Variants in CRK observed in about 807,000 individuals in gnomAD.
CRK encodes the protein CRK proto-oncogene, adaptor protein.
A neutral mutation model predicts 29.8 loss-of-function variants in CRK; 4 were observed. The ratio of observed to expected loss-of-function variants is 0.13; its 90% CI spans 0.07 to 0.31. CRK has a LOEUF of 0.31. Ranked by LOEUF, CRK falls within the 10% of genes least tolerant of loss-of-function variation. The probability of loss-of-function intolerance (pLI) is 1.00; values close to 1 mark genes in which losing one functional copy is unlikely to be tolerated. For synonymous variants in CRK, 153 were observed against 164.9 expected (o/e 0.93, Z 0.55); for missense variants, 274 against 396.5 (o/e 0.69, Z 2.62).
At chr17:1,439,056 C>T (rs1416663786) in intron 1 of CRK, among the ~76,000 whole-genome samples, 1 of 151,780 alleles carries the variant, frequency 6.6e-6, no homozygotes, top group Non-Finnish European at 1.5e-5. Context: ...CTGGTGAACT[C>T]CCGGGATTGT....
Position 1,423,164 on chromosome 17 carries a change from G to A in CRK, c.*349C>T, listed in dbSNP as rs1240932131. 7 of 455,244 alleles carry A rather than the reference G, an allele frequency of 1.5e-5. No individual in the cohort carries two copies. The highest frequency in any genetic ancestry group is 1.4e-4 in the African/African-American group (7 of 49,554). The allele number at this position is 455,244 out of a possible 1,614,324, so 28.2% of individuals were successfully genotyped here. A position where few individuals can be genotyped will look rare whatever the true frequency, so the allele number is the denominator to read the frequency against. On this transcript the variant is annotated 3_prime_UTR_variant, in exon 3 of 3. Coordinates refer to ENST00000300574, the MANE Select transcript of CRK (RefSeq NM_016823.4). ...GAAAACAAAACCACTGAATAAATCAGGGTAAGCAGTGTGTAACACTCCTTC... is the reference window on the plus strand; with the variant it reads ...GAAAACAAAACCACTGAATAAATCAAGGTAAGCAGTGTGTAACACTCCTTC...
chr17:1,425,718 C>T (rs1427797540), intron 2 of CRK, among the ~76,000 whole-genome samples: 3 of 152,246 alleles, frequency 2.0e-5, no homozygotes, highest in African/African-American at 4.8e-5. Flanking sequence ...CTCTTCCAGG[C>T]CCAGCCTGAC....
chr17:1,424,066 C>T (rs921627658), intron 2 of CRK, among the ~76,000 whole-genome samples: 16 of 114,150 alleles, frequency 1.4e-4, no homozygotes, highest in Admixed American at 2.9e-4. Flanking sequence ...CAGCTTTCTC[C>T]GTTTTTTTTT....
chr17:1,450,741 C>T (rs2074011072), intron 1 of CRK, among the ~76,000 whole-genome samples: 1 of 151,854 alleles, frequency 6.6e-6, no homozygotes, highest in Non-Finnish European at 1.5e-5. Flanking sequence ...AAAAAATTGG[C>T]TGGGCATGGT....
At chr17:1,423,862 C>G (rs1340071645) in intron 2 of CRK, among the ~76,000 whole-genome samples, 1 of 152,086 alleles carries the variant, frequency 6.6e-6, no homozygotes, top group Non-Finnish European at 1.5e-5. Context: ...TGTGGAAAAA[C>G]AGAGAATACA....
chr17:1,427,378 G>A (rs185030615), intron 2 of CRK, among the ~76,000 whole-genome samples: 2 of 151,678 alleles, frequency 1.3e-5, no homozygotes, highest in Non-Finnish European at 2.9e-5. Flanking sequence ...CAGATCATGA[G>A]GTCAGGAGAT....
At position 1,420,894 on chromosome 17, in the gene CRK, A is replaced by G. The variant is rs1171431055; in HGVS notation, c.*2619T>C. 6.6e-6 allele frequency: 1 copy of G among 152,206 alleles called. No homozygotes were observed. The highest frequency in any genetic ancestry group is 6.6e-5 in the Admixed American group (1 of 15,258). 9.4% of individuals were successfully genotyped at this position (152,206 alleles called of 1,614,324 possible). ...GCTTATCACCTATTTCAAACCATTA[A>G]CAGTGAAATGTTACTTGTGGATAAT... On this transcript the variant is annotated 3_prime_UTR_variant, in exon 3 of 3. Transcript: ENST00000300574.
Position 1,422,258 on chromosome 17 carries a change from G to C in CRK, c.*1255C>G, listed in dbSNP as rs1389074370. ...GGCTCACTGCAGCCTCCACCTCCCAGGTTGAAGCAATTCTCCTGCCTCAGC... is the reference window on the plus strand; with the variant it reads ...GGCTCACTGCAGCCTCCACCTCCCACGTTGAAGCAATTCTCCTGCCTCAGC... On this transcript the variant is annotated 3_prime_UTR_variant, in exon 3 of 3. Coordinates refer to ENST00000300574, the MANE Select transcript of CRK (RefSeq NM_016823.4). 6.7e-6 allele frequency: 1 copy of C among 150,076 alleles called. No individual in the cohort carries two copies. The highest frequency in any genetic ancestry group is 1.5e-5 in the Non-Finnish European group (1 of 67,778). 9.3% of individuals were successfully genotyped at this position (150,076 alleles called of 1,614,324 possible). A position where few individuals can be genotyped will look rare whatever the true frequency, so the allele number is the denominator to read the frequency against.
At chr17:1,452,285 T>C (rs1352067626) in intron 1 of CRK, among the ~76,000 whole-genome samples, 1 of 152,196 alleles carries the variant, frequency 6.6e-6, no homozygotes, top group Non-Finnish European at 1.5e-5. Flanking sequence ...TAGATTGTCC[T>C]AGACAGTAAG....
intron 1 of CRK, among the ~76,000 whole-genome samples, chr17:1,450,579 T>C (rs958075244): frequency 1.3e-4 from 20 of 151,936 alleles, no homozygotes; most frequent in African/African-American, 4.8e-4. Flanking sequence ...CTATGCACTG[T>C]GTAAACAAAA....
At chr17:1,453,416 G>A (rs1330980512) in intron 1 of CRK, among the ~76,000 whole-genome samples, 2 of 152,146 alleles carry the variant, frequency 1.3e-5, no homozygotes, top group Non-Finnish European at 2.9e-5. Flanking sequence ...GAGTTTCAAT[G>A]ACAGTTTGCC....
chr17:1,428,851 C>T (rs1186308359), intron 2 of CRK, among the ~76,000 whole-genome samples: 41 of 148,542 alleles, frequency 2.8e-4, no homozygotes, highest in Admixed American at 6.7e-5. Flanking sequence ...CAGATTCTCT[C>T]TCTTTTTTTT....
At chr17:1,439,955 CCAGCGTAGGCAACA>C (rs1053965201) in intron 1 of CRK, among the ~76,000 whole-genome samples, 12 of 151,794 alleles carry the variant, frequency 7.9e-5, no homozygotes, top group African/African-American at 2.9e-4. Flanking sequence ...GATTTTGAGA[CCAGCGTAGGCAACA>C]CAGCCAAGAC....
intron 2 of CRK, among the ~76,000 whole-genome samples, chr17:1,429,081 CAG>C (rs2073812024): frequency 6.6e-6 from 1 of 151,870 alleles, no homozygotes; most frequent in Non-Finnish European, 1.5e-5. Context: ...CTCCTGACCT[CAG>C]GTGATCCGCC....
chr17:1,455,367 G>A (rs893753361), intron 1 of CRK, among the ~76,000 whole-genome samples: 1 of 152,184 alleles, frequency 6.6e-6, no homozygotes, highest in Non-Finnish European at 1.5e-5. Context: ...GGTTTCCTGA[G>A]GGTGTCTCCA....
chr17:1,427,808 T>C (rs1018037924), intron 2 of CRK, among the ~76,000 whole-genome samples: 1 of 151,614 alleles, frequency 6.6e-6, no homozygotes, highest in Non-Finnish European at 1.5e-5. Context: ...ACTTTTTTCG[T>C]ATTTTTAGTA....
intron 1 of CRK, among the ~76,000 whole-genome samples, chr17:1,438,154 G>C (rs142984336): frequency 6.6e-6 from 1 of 151,902 alleles, no homozygotes; most frequent in Non-Finnish European, 1.5e-5. Flanking sequence ...TTTTGGGACA[G>C]AGTCTCGCTG....
In CRK at chr17:1,451,192, CAAAA is replaced by C. The variant is rs10691537; in HGVS notation, c.241+4681_241+4684del. Among the ~76,000 whole-genome samples the C allele has an allele frequency of 1.2e-4, 8 of 66,970 alleles. 1 individual carries two copies. Among genetic ancestry groups the C allele is most frequent in the Non-Finnish European group, 2.1e-4 (8 of 38,338 alleles). The allele number at this position is 66,970 out of a possible 152,430, so 43.9% of individuals were successfully genotyped here. Reference sequence around the variant, plus strand: ...TCGGTGACAGAGCGAGAAACTGTCTCAAAAAAAAAAAAAAAAAAAGCAATAACAA... The same window carrying C: ...TCGGTGACAGAGCGAGAAACTGTCTCAAAAAAAAAAAAAAAGCAATAACAA... On this transcript the variant is annotated intron_variant, in intron 1 of 2. Coordinates refer to ENST00000300574, the MANE Select transcript of CRK (RefSeq NM_016823.4).
rs2074056831 is a variant in CRK, at chr17:1,456,224, G to A, written c.-107C>T. 2.3e-6 allele frequency: 3 copies of A among 1,289,640 alleles called. No individual in the cohort carries two copies. Among genetic ancestry groups the A allele is most frequent in the East Asian group, 3.2e-5 (1 of 30,784 alleles). 79.9% of individuals were successfully genotyped at this position (1,289,640 alleles called of 1,614,324 possible). A position where few individuals can be genotyped will look rare whatever the true frequency, so the allele number is the denominator to read the frequency against. On this transcript the variant is annotated 5_prime_UTR_variant, in exon 1 of 3. Transcript: ENST00000300574. ...GCTCCGGTTTCAGCTTCACAGCAGC[G>A]CCCGAAATGGCGGCGGCAGCCGCGG...
Sources: allele counts gnomAD v4.1 joint callset (sites outside exome capture counted in the v4.1 genomes callset), GRCh38; gene constraint gnomAD v4.1.1; transcripts MANE v1.5; gene names NCBI Gene and HGNC (gene_info 2026-07-23, HGNC 2026-07-21).